Variants in GLB1 observed in about 807,000 individuals in gnomAD.
GLB1 encodes galactosidase beta 1.
In GLB1, 56 loss-of-function variants were observed where a neutral mutation model predicts 74.0. The ratio of observed to expected loss-of-function variants is 0.76; its 90% confidence interval spans 0.61 to 0.94. The LOEUF (loss-of-function observed/expected upper bound fraction) is 0.94. Among genes scored for constraint, GLB1 ranks in the 40% least tolerant of loss-of-function variants. The pLI, the probability that GLB1 is intolerant of heterozygous loss-of-function variation, is 0.00. For synonymous variants in GLB1, 323 were observed against 323.6 expected (o/e 1.00, Z 0.02); for missense variants, 787 against 845.5 (o/e 0.93, Z 0.86).
In GLB1 at chr3:33,014,259, T is replaced by C. The variant is rs13073546; in HGVS notation, c.1531A>G (p.Ile511Val). The change falls in exon 15 of 16, where the codon ATC becomes GTC. Residue 511 changes from isoleucine (I) to valine (V), a missense_variant. Transcript: ENST00000307363. The stretch of plus-strand genomic sequence containing the variant: ...GCATCCTCAGTGTCCAGTGGAAAGA[T>C]CGTCCAGTCCGTGAGGATATTGGAA... Reference protein sequence around the residue: ...LSSNILTDWTIFPLDTEDAVC... With the variant: ...LSSNILTDWTVFPLDTEDAVC... The C allele has an allele frequency of 6.2e-7, 1 of 1,614,088 alleles. No individual in the cohort carries two copies. Among genetic ancestry groups the C allele is most frequent in the Non-Finnish European group, 8.5e-7 (1 of 1,180,012 alleles).
chr3:33,057,389 C>T (rs146241875), intron 6 of GLB1, among the ~76,000 whole-genome samples: 2 of 152,308 alleles, frequency 1.3e-5, no homozygotes, highest in Admixed American at 6.5e-5. Context: ...TGGACGAATA[C>T]AGCTGTCATA....
chr3:33,065,968 CAAAA>C (rs35555652), intron 4 of GLB1, among the ~76,000 whole-genome samples: 1 of 123,860 alleles, frequency 8.1e-6, no homozygotes. Context: ...AACTCTGTCT[CAAAA>C]AAAAAAAAAA....
intron 10 of GLB1, chr3:33,030,519 G>A: frequency 1.0e-6 from 1 of 985,440 alleles, no homozygotes; most frequent in Non-Finnish European, 1.2e-6. Flanking sequence ...ATCAGCAAGA[G>A]ACAGCTGTGT....
the GLB1 span, among the ~76,000 whole-genome samples, chr3:32,965,234 CAGA>C: frequency 6.6e-6 from 1 of 152,090 alleles, no homozygotes; most frequent in African/African-American, 2.4e-5. Flanking sequence ...TTGGAGGGCT[CAGA>C]AGAAGACAGG....
chr3:32,988,826 C>T, the GLB1 span, among the ~76,000 whole-genome samples: 1 of 151,206 alleles, frequency 6.6e-6, no homozygotes, highest in East Asian at 1.9e-4. Context: ...AGTCCTCCAC[C>T]TAACAACTGT....
At chr3:33,088,183 C>G (rs1700604028) in intron 1 of GLB1, among the ~76,000 whole-genome samples, 1 of 152,154 alleles carries the variant, frequency 6.6e-6, no homozygotes. Context: ...AGACTGCAAG[C>G]TTTTCCTCTA....
rs568969913 is a variant in GLB1 at position 33,067,537 on chromosome 3, T to A, written c.457+693A>T. ...CTCAAGCAATCCCTCCACTTTGGCC[T>A]CCCAAAGTGCTGAGATTACAAGTGT... On this transcript the variant is annotated intron_variant, in intron 4 of 15. Coordinates refer to ENST00000307363, the MANE Select transcript of GLB1 (RefSeq NM_000404.4). 2.0e-5 allele frequency among the ~76,000 whole-genome samples: 3 copies of A among 152,258 alleles called. No homozygotes were observed. In the East Asian group the frequency reaches 5.8e-4, roughly 29 times the overall value.
chr3:33,058,216 G>A lies in GLB1; in HGVS notation c.606C>T (p.Phe202=), dbSNP rs2125533112. 6.2e-7 allele frequency: 1 copy of A among 1,614,142 alleles called. No homozygotes were observed. The highest frequency in any genetic ancestry group is 8.5e-7 in the Non-Finnish European group (1 of 1,180,020). Reference sequence around the variant, plus strand: ...GATGGTGGCGAAAGCGCTTCTGCAGGAAGCGCAGGTAGTCAAAATCACAGG... The same window carrying A: ...GATGGTGGCGAAAGCGCTTCTGCAGAAAGCGCAGGTAGTCAAAATCACAGG... ...YFACDFDYLR[F]LQKRFRHHLG... The change falls in exon 6 of 16, where the codon TTC becomes TTT. Residue 202 remains phenylalanine (F), a synonymous_variant. Transcript: ENST00000307363.
chr3:33,015,947 GGT>G (rs2125465855), intron 14 of GLB1, among the ~76,000 whole-genome samples: 1 of 152,240 alleles, frequency 6.6e-6, no homozygotes, highest in South Asian at 2.1e-4. Context: ...CAAAGCACCT[GGT>G]GGGGCATCTC....
the GLB1 span, among the ~76,000 whole-genome samples, chr3:32,962,992 T>C: frequency 6.6e-6 from 1 of 151,992 alleles, no homozygotes; most frequent in Admixed American, 6.6e-5. Context: ...CCAGGACCAC[T>C]CTGAAAAAGA....
intron 12 of GLB1, among the ~76,000 whole-genome samples, chr3:33,019,057 C>CCA (rs778979511): frequency 2.6e-5 from 4 of 152,184 alleles, no homozygotes; most frequent in Non-Finnish European, 5.9e-5. Flanking sequence ...GTGGCATGCA[C>CCA]CTGTAGTCTC....
the GLB1 span, among the ~76,000 whole-genome samples, chr3:32,991,157 G>T: frequency 6.6e-6 from 1 of 152,090 alleles, no homozygotes; most frequent in Non-Finnish European, 1.5e-5. Flanking sequence ...TCTGACTGGT[G>T]GGGGGTTCAC....
chr3:32,999,945 C>T (rs1318379579), intron 15 of GLB1, among the ~76,000 whole-genome samples: 1 of 151,684 alleles, frequency 6.6e-6, no homozygotes, highest in Non-Finnish European at 1.5e-5. Context: ...GCCACCATGC[C>T]TGGCCTTTTT....
At chr3:33,021,726 T>A in intron 11 of GLB1, 71 bp from the exon 12 acceptor site, 1 of 1,544,058 alleles carries the variant, frequency 6.5e-7, no homozygotes, top group Non-Finnish European at 8.8e-7. Flanking sequence ...AGTCATTCCC[T>A]AATTATCAAA....
chr3:33,014,048 A>T lies in GLB1; in HGVS notation c.1734+8T>A. 1 of 1,614,206 alleles carries T rather than the reference A, an allele frequency of 6.2e-7. No individual in the cohort carries two copies. Among genetic ancestry groups the T allele is most frequent in the Admixed American group, 1.7e-5 (1 of 60,028 alleles). On this transcript the variant is annotated splice_region_variant and intron_variant, in intron 15 of 15. Transcript: ENST00000307363. ...CTGAATTCAAACCCTTCCCATGAAG[A>T]CACGTACCTTGGTCCATCCAGGAAA...
At chr3:33,048,919 A>T (rs1698855832) in intron 9 of GLB1, among the ~76,000 whole-genome samples, 1 of 152,178 alleles carries the variant, frequency 6.6e-6, no homozygotes, top group African/African-American at 2.4e-5. Context: ...TGAGGCTAAT[A>T]TGCAGGCTAA....
intron 11 of GLB1, among the ~76,000 whole-genome samples, chr3:33,022,240 G>C (rs1393004799): frequency 6.6e-6 from 1 of 152,028 alleles, no homozygotes; most frequent in African/African-American, 2.4e-5. Context: ...CCAATGCCCA[G>C]AACATAGTAA....
chr3:33,042,786 T>C (rs1021578608), intron 10 of GLB1, among the ~76,000 whole-genome samples: 2 of 152,230 alleles, frequency 1.3e-5, no homozygotes, highest in East Asian at 3.8e-4. Flanking sequence ...TGGAATGCTC[T>C]TGTCCAGGCG....
the GLB1 span, among the ~76,000 whole-genome samples, chr3:32,970,607 T>C: frequency 1.4e-4 from 22 of 152,242 alleles, 1 homozygote; most frequent in South Asian, 4.6e-3. Flanking sequence ...ATAGGCCCCA[T>C]ATTGTTATCA....
Sources: allele counts gnomAD v4.1 joint callset (sites outside exome capture counted in the v4.1 genomes callset), GRCh38; gene constraint gnomAD v4.1.1; transcripts MANE v1.5; gene names NCBI Gene and HGNC (gene_info 2026-07-23, HGNC 2026-07-21).